Variants in NDUFA10 observed in about 807,000 individuals in gnomAD.
NDUFA10 encodes the protein NADH:ubiquinone oxidoreductase subunit A10, also known as NADH dehydrogenase [ubiquinone] 1 alpha subcomplex subunit 10, mitochondrial.
NDUFA10 carries 40 observed loss-of-function variants against 47.8 expected under a neutral mutation model. The observed-to-expected ratio is 0.84, with a 90% CI of 0.65 to 1.09. The LOEUF (loss-of-function observed/expected upper bound fraction) is 1.09. Ranked by LOEUF, NDUFA10 falls within the 50% of genes least tolerant of loss-of-function variation. The pLI is 0.00. For synonymous variants in NDUFA10, 183 were observed against 172.2 expected (o/e 1.06, Z -0.49); for missense variants, 413 against 451.1 (o/e 0.92, Z 0.76).
At chr2:240,006,969 C>A (rs879382806) in intron 7 of NDUFA10, among the ~76,000 whole-genome samples, 2 of 152,232 alleles carry the variant, frequency 1.3e-5, no homozygotes, top group Non-Finnish European at 2.9e-5. Flanking sequence ...TAGACTTTCA[C>A]AAAACACACG....
chr2:240,014,908 G>T (rs374868949), intron 4 of NDUFA10, 48 bp from the exon 5 acceptor site: 17 of 1,613,078 alleles, frequency 1.1e-5, no homozygotes, highest in Non-Finnish European at 1.4e-5. Context: ...TCCCCACACG[G>T]GTTTCCAAAA....
At chr2:240,023,617 ATAGT>A (rs1324863156) in intron 1 of NDUFA10, among the ~76,000 whole-genome samples, 3 of 152,248 alleles carry the variant, frequency 2.0e-5, no homozygotes, top group Non-Finnish European at 2.9e-5. Context: ...CAACGGAGGA[ATAGT>A]TAAACAAAAT....
At chr2:239,919,220 C>A (rs748209862) in intron 4 of NDUFA10, among the ~76,000 whole-genome samples, 17 of 152,336 alleles carry the variant, frequency 1.1e-4, no homozygotes, top group Non-Finnish European at 2.4e-4. Context: ...TCTGGAGCCA[C>A]TGACAACAGC....
chr2:239,935,378 A>G (rs1186589553), intron 4 of NDUFA10, among the ~76,000 whole-genome samples: 1 of 152,202 alleles, frequency 6.6e-6, no homozygotes, highest in East Asian at 1.9e-4. Flanking sequence ...GAAAATTACA[A>G]TTCATCGCTG....
At chr2:239,921,854 G>A (rs1693990935) in intron 4 of NDUFA10, among the ~76,000 whole-genome samples, 2 of 152,066 alleles carry the variant, frequency 1.3e-5, no homozygotes, top group Middle Eastern at 3.4e-3. Flanking sequence ...TCTTTGCTCA[G>A]GTCCATCCTC....
At chr2:239,955,267 A>C (rs1287938076), downstream of NDUFA10, among the ~76,000 whole-genome samples, 5 of 152,172 alleles carry the variant, frequency 3.3e-5, no homozygotes, top group African/African-American at 1.2e-4. Context: ...ACAAAACATG[A>C]AGGGGCCAGA....
intron 7 of NDUFA10, among the ~76,000 whole-genome samples, chr2:240,006,798 T>C (rs1696963386): frequency 6.6e-6 from 1 of 152,226 alleles, no homozygotes; most frequent in Admixed American, 6.5e-5. Flanking sequence ...AAGCTCTTTA[T>C]TAATTCTTGC....
At chr2:239,988,376 A>G (rs947888191) in intron 9 of NDUFA10, among the ~76,000 whole-genome samples, 4 of 152,164 alleles carry the variant, frequency 2.6e-5, no homozygotes, top group Non-Finnish European at 4.4e-5. Flanking sequence ...CGGCCCTAAA[A>G]CATACATGAG....
intron 4 of NDUFA10, among the ~76,000 whole-genome samples, chr2:239,952,094 G>A (rs1054112769): frequency 6.6e-5 from 10 of 152,192 alleles, no homozygotes; most frequent in African/African-American, 1.7e-4. Context: ...GTGAGCCCAC[G>A]GGATGAACCA....
intron 4 of NDUFA10, among the ~76,000 whole-genome samples, chr2:239,913,645 G>A (rs994833489): frequency 1.3e-5 from 2 of 152,224 alleles, no homozygotes; most frequent in Non-Finnish European, 2.9e-5. Context: ...TCAGGCTCAC[G>A]TCTGTGCAGG....
chr2:240,002,298 C>CCAG (rs1288982589), intron 8 of NDUFA10, among the ~76,000 whole-genome samples: 1 of 143,024 alleles, frequency 7.0e-6, no homozygotes, highest in Admixed American at 7.3e-5. Context: ...CCACTGCACT[C>CCAG]CAGTCTGGGC....
chr2:239,916,928 G>A (rs761937733), intron 4 of NDUFA10, among the ~76,000 whole-genome samples: 16 of 152,244 alleles, frequency 1.1e-4, no homozygotes, highest in Non-Finnish European at 1.6e-4. Context: ...CTGACCAGGA[G>A]CCATGGGGTG....
intron 4 of NDUFA10, among the ~76,000 whole-genome samples, chr2:239,904,265 CTTT>C (rs1288232225): frequency 8.5e-5 from 13 of 152,082 alleles, no homozygotes; most frequent in Non-Finnish European, 1.3e-4. Context: ...TCTTCTTCTT[CTTT>C]TTTCTTTTTA....
Position 239,987,705 on chromosome 2 carries a change from C to A in NDUFA10, c.999+2369G>T, listed in dbSNP as rs185591678. 5.9e-5 allele frequency among the ~76,000 whole-genome samples: 9 copies of A among 152,298 alleles called. No homozygotes were observed. Among genetic ancestry groups the A allele is most frequent in the Non-Finnish European group, 1.2e-4 (8 of 68,030 alleles). On this transcript the variant is annotated intron_variant, in intron 9 of 9. Transcript: ENST00000252711. This position sits in a 1 kb window ranked among gnomAD's most constrained non-coding sequence, Gnocchi z 4.8. ...CCAAGGATGCTACATGCAGGCGCAG[C>A]GCCCAGGGAAGGGGTGGGCAGCCGT... is the stretch of plus-strand genomic sequence containing the variant.
At chr2:239,950,584 T>C (rs950073640) in intron 4 of NDUFA10, among the ~76,000 whole-genome samples, 2 of 152,218 alleles carry the variant, frequency 1.3e-5, no homozygotes, top group Admixed American at 6.5e-5. Flanking sequence ...TGAGAGCTCA[T>C]TATGACCAGG....
At chr2:240,009,003 G>A (rs1394137961) in intron 6 of NDUFA10, among the ~76,000 whole-genome samples, 2 of 152,186 alleles carry the variant, frequency 1.3e-5, no homozygotes, top group African/African-American at 4.8e-5. Context: ...GGATCTGGAG[G>A]AAACCCCCAT....
chr2:239,995,657 A>AGC (rs1491070946), intron 8 of NDUFA10, among the ~76,000 whole-genome samples: 2 of 152,212 alleles, frequency 1.3e-5, no homozygotes, highest in Non-Finnish European at 2.9e-5. Flanking sequence ...ATTAAAAGAC[A>AGC]GAGACTGTCA....
At chr2:239,903,523 C>T (rs1050378945) in intron 4 of NDUFA10, among the ~76,000 whole-genome samples, 1 of 152,190 alleles carries the variant, frequency 6.6e-6, no homozygotes, top group African/African-American at 2.4e-5. Flanking sequence ...GTCTGTTTTT[C>T]TATAAGGCCA....
intron 4 of NDUFA10, among the ~76,000 whole-genome samples, chr2:239,947,834 C>A (rs1694481289): frequency 6.6e-6 from 1 of 152,218 alleles, no homozygotes; most frequent in African/African-American, 2.4e-5. Flanking sequence ...CCTGTGGCCC[C>A]CAGTGCAAGA....
Sources: gnomAD v4.1 joint callset for allele counts (sites outside exome capture counted in the v4.1 genomes callset) on GRCh38, gnomAD v4.1.1 for gene constraint, Gnocchi (gnomAD v3.1) non-coding constraint, MANE v1.5 for transcripts, NCBI Gene and HGNC (gene_info 2026-07-23, HGNC 2026-07-21) for gene names.